Variants in ABCA13 observed in about 807,000 individuals in gnomAD.
ABCA13 encodes the protein ATP-binding cassette sub-family A member 13.
In ABCA13, 476 loss-of-function variants were observed where a neutral mutation model predicts 478.7. That is an observed-to-expected ratio of 0.99 (90% confidence interval 0.92 to 1.07). The LOEUF (loss-of-function observed/expected upper bound fraction) is 1.07. Ranked by LOEUF, ABCA13 falls within the 50% of genes least tolerant of loss-of-function variation. The pLI, the probability that ABCA13 is intolerant of heterozygous loss-of-function variation, is 0.00. For missense variants in ABCA13, 6,060 were observed against 5,910.6 expected (o/e 1.03, Z -0.83); for synonymous variants, 2,252 against 2,158.9 (o/e 1.04, Z -1.20).
intron 23 of ABCA13, 120 bp downstream of exon 23, chr7:48,298,607 G>T: frequency 1.7e-6 from 2 of 1,177,698 alleles, no homozygotes; most frequent in Non-Finnish European, 2.3e-6. Flanking sequence ...AGTGTAGTGG[G>T]TTGCTGCACA....
intron 5 of ABCA13, among the ~76,000 whole-genome samples, chr7:48,224,302 C>A (rs17712031): frequency 0.048 from 7,246 of 152,304 alleles, 225 homozygotes; most frequent in East Asian, 0.12. Context: ...GGGTGACCAC[C>A]AGACTCACAT....
At chr7:48,433,924 A>T (rs1822486368) in intron 42 of ABCA13, among the ~76,000 whole-genome samples, 1 of 152,054 alleles carries the variant, frequency 6.6e-6, no homozygotes, top group Non-Finnish European at 1.5e-5. Context: ...TTATCTGTTG[A>T]TGGACATTTG....
intron 44 of ABCA13, among the ~76,000 whole-genome samples, chr7:48,470,650 GT>G (rs1827386824): frequency 6.6e-6 from 1 of 152,148 alleles, no homozygotes; most frequent in Non-Finnish European, 1.5e-5. Context: ...TGCTAACCTG[GT>G]TAATAGAAAT....
intron 39 of ABCA13, among the ~76,000 whole-genome samples, chr7:48,407,664 C>G (rs1818442092): frequency 6.6e-6 from 1 of 151,870 alleles, no homozygotes; most frequent in Non-Finnish European, 1.5e-5. Flanking sequence ...TCAAGCAATT[C>G]TCCTGCCTCA....
rs763807107 is a variant in ABCA13, at chr7:48,427,880, A to G, written c.12565+9A>G. 13 of 1,551,874 alleles carry G rather than the reference A, an allele frequency of 8.4e-6. No individual in the cohort carries two copies. Among genetic ancestry groups the G allele is most frequent in the Admixed American group, 2.0e-5 (1 of 50,338 alleles). ...ACATCTGTCTGGCTACTGTAAGTAC[A>G]GAATGGCTTCCTGCATTTCTGCTGG... On this transcript the variant is annotated intron_variant, in intron 42 of 61. Transcript: ENST00000435803.
Position 48,615,981 on chromosome 7 carries a change from T to C in ABCA13, c.14837+604T>C, listed in dbSNP as rs984526966. ...GGAATCTTAATAATTTTGTTATCAATTTGTGTGAGCATTGTTACATCCTGG... is the reference window on the plus strand; with the variant it reads ...GGAATCTTAATAATTTTGTTATCAACTTGTGTGAGCATTGTTACATCCTGG... On this transcript the variant is annotated intron_variant, in intron 59 of 61. Coordinates refer to ENST00000435803, the MANE Select transcript of ABCA13 (RefSeq NM_152701.5). Among the ~76,000 whole-genome samples, 5 of 152,320 alleles carry C rather than the reference T, an allele frequency of 3.3e-5. 1 individual carries two copies. The highest frequency in any genetic ancestry group is 1.9e-4 in the East Asian group (1 of 5,180).
chr7:48,315,570 C>A (rs1032450850), intron 26 of ABCA13, among the ~76,000 whole-genome samples: 2 of 151,924 alleles, frequency 1.3e-5, no homozygotes, highest in Non-Finnish European at 2.9e-5. Context: ...AGCTCCGCCT[C>A]CCAGGTTCAC....
chr7:48,602,065 G>A (rs1209452535), intron 58 of ABCA13, among the ~76,000 whole-genome samples: 1 of 152,022 alleles, frequency 6.6e-6, no homozygotes, highest in Non-Finnish European at 1.5e-5. Flanking sequence ...CTTTTTGATG[G>A]GGTTGTTTCT....
intron 41 of ABCA13, among the ~76,000 whole-genome samples, chr7:48,426,004 G>T (rs982546798): frequency 6.6e-6 from 1 of 152,096 alleles, no homozygotes; most frequent in Admixed American, 6.5e-5. Flanking sequence ...GCCTCCCAAA[G>T]TGCTGGGATT....
In ABCA13 at chr7:48,344,269, ATGG is replaced by A. The variant is rs549901511; in HGVS notation, c.10204+5815_10204+5817del. On this transcript the variant is annotated intron_variant, in intron 29 of 61. Coordinates refer to ENST00000435803, the MANE Select transcript of ABCA13 (RefSeq NM_152701.5). ...GGTACTGCTAAACATCCTACACTGC[ATGG>A]AACAGCCCTCCACAGCAAGGAATTA... 2.6e-3 allele frequency among the ~76,000 whole-genome samples: 391 copies of A among 152,318 alleles called. 1 individual carries two copies. The highest frequency in any genetic ancestry group is 3.6e-3 in the Non-Finnish European group (245 of 68,024).
chr7:48,242,221 T>C lies in ABCA13; in HGVS notation c.1262+1155T>C, dbSNP rs573598682. Reference sequence around the variant, plus strand: ...CACTTTAGCCTAGGATTTTGCCTGCTCTGTGCCAGGCCAGGGGATTGAAGC... The same window carrying C: ...CACTTTAGCCTAGGATTTTGCCTGCCCTGTGCCAGGCCAGGGGATTGAAGC... On this transcript the variant is annotated intron_variant, in intron 10 of 61. Coordinates refer to ENST00000435803, the MANE Select transcript of ABCA13 (RefSeq NM_152701.5). 1.9e-4 allele frequency among the ~76,000 whole-genome samples: 29 copies of C among 152,188 alleles called. No homozygotes were observed. In the South Asian group the frequency reaches 6.0e-3, roughly 32 times the overall value.
intron 3 of ABCA13, among the ~76,000 whole-genome samples, chr7:48,204,240 G>C (rs1364487144): frequency 6.7e-6 from 1 of 149,000 alleles, no homozygotes; most frequent in East Asian, 2.0e-4. Flanking sequence ...GAGACAGTCT[G>C]GCTCTGCTGC....
chr7:48,333,290 G>A (rs1291739619), intron 27 of ABCA13, among the ~76,000 whole-genome samples: 1 of 152,160 alleles, frequency 6.6e-6, no homozygotes, highest in Non-Finnish European at 1.5e-5. Context: ...GAGAATCCAT[G>A]TGGTTCTTTT....
At chr7:48,201,598 T>A (rs34083053) in intron 3 of ABCA13, among the ~76,000 whole-genome samples, 30,886 of 152,092 alleles carry the variant, frequency 0.2, 3,389 homozygotes, top group Middle Eastern at 0.26. Context: ...CAGGCACCTG[T>A]AGTTCCAACT....
intron 3 of ABCA13, among the ~76,000 whole-genome samples, chr7:48,209,230 A>AT (rs1785312776): frequency 6.6e-6 from 1 of 152,132 alleles, no homozygotes; most frequent in African/African-American, 2.4e-5. Flanking sequence ...TATTAAATTC[A>AT]GTTAAATGTA....
chr7:48,260,998 T>C (rs111848912), intron 15 of ABCA13, among the ~76,000 whole-genome samples: 35 of 149,196 alleles, frequency 2.3e-4, no homozygotes, highest in African/African-American at 8.5e-4. Context: ...TTAAAATGTC[T>C]TTTTTTTTTA....
At position 48,204,491 on chromosome 7, in the gene ABCA13, G is replaced by A. The variant is rs149407256; in HGVS notation, c.287+6131G>A. On this transcript the variant is annotated intron_variant, in intron 3 of 61. Transcript: ENST00000435803. ...CTCCCAAAGTGCTGGGATTACAGGC[G>A]TGAGCCACCGCGCCCGGCCTATCCT... Among the ~76,000 whole-genome samples, 1,146 of 152,230 alleles carry A rather than the reference G, an allele frequency of 7.5e-3. 16 individuals carry two copies. The highest frequency in any genetic ancestry group is 0.026 in the African/African-American group (1,080 of 41,548).
Position 48,241,016 on chromosome 7 carries a change from T to G in ABCA13, c.1212T>G (p.Asn404Lys). 1 of 1,614,070 alleles carries G rather than the reference T, an allele frequency of 6.2e-7. No individual in the cohort carries two copies. The highest frequency in any genetic ancestry group is 8.5e-7 in the Non-Finnish European group (1 of 1,179,884). ...EALHTALLLL[N>K]DSLSADGPKD... ...TGCACACTGCACTGCTCCTGCTGAA[T>G]GACAGCTTGTCAGCAGATGGCCCAA... The change falls in exon 10 of 62, where the codon AAT becomes AAG. Residue 404 changes from asparagine to lysine, a missense_variant. Asn to Lys is a moderately conservative substitution (Grantham distance 94, BLOSUM62 0). This residue lies in a region of ABCA13 where 4,423 missense variants were observed against 4,309.1 expected (regional missense o/e 1.03). Coordinates refer to ENST00000435803, the MANE Select transcript of ABCA13 (RefSeq NM_152701.5).
At chr7:48,448,928 T>C (rs1164939340) in intron 42 of ABCA13, among the ~76,000 whole-genome samples, 2 of 152,176 alleles carry the variant, frequency 1.3e-5, no homozygotes, top group Admixed American at 6.5e-5. Context: ...CGGTAACCTC[T>C]ACCTCCCAGG....
Sources: allele counts gnomAD v4.1 joint callset (sites outside exome capture counted in the v4.1 genomes callset), GRCh38; gene constraint gnomAD v4.1.1; regional missense constraint gnomAD v4.1.1; transcripts MANE v1.5; gene names NCBI Gene and HGNC (gene_info 2026-07-23, HGNC 2026-07-21).